The following REL variants were observed in gnomAD, a reference collection of about 807,000 sequenced individuals.
REL encodes the protein REL proto-oncogene, NF-kB subunit, also known as proto-oncogene c-Rel.
Under a neutral mutation model 45.9 loss-of-function variants are expected in REL, and 15 were observed. That is an observed-to-expected ratio of 0.33 (90% CI 0.22 to 0.50). REL has a LOEUF of 0.50. Among genes scored for constraint, REL ranks in the 20% least tolerant of loss-of-function variants. The pLI, the probability that REL is intolerant of heterozygous loss-of-function variation, is 0.98. For synonymous variants in REL, 239 were observed against 242.1 expected, an observed-to-expected ratio of 0.99 and a Z score of 0.12; for missense variants, 601 against 715.2, an observed-to-expected ratio of 0.84 and a Z score of 1.82.
At chr2:60,892,119 T>C (rs942190536) in intron 2 of REL, among the ~76,000 whole-genome samples, 3 of 152,216 alleles carry the variant, frequency 2.0e-5, no homozygotes, top group Admixed American at 6.5e-5. Context: ...TTTTGGATCA[T>C]GTTCTTTTTC....
rs1309775315 is a variant in REL, at chr2:60,920,493, G to T, written c.923-81G>T. On this transcript the variant is annotated intron_variant, in intron 8 of 9. Transcript: ENST00000394479. Reference sequence around the variant, plus strand: ...TGGGATTACAGGTGGGAGCCACCACGCCCGGCCAGTTTTTCAGATTTTAAC... The same window carrying T: ...TGGGATTACAGGTGGGAGCCACCACTCCCGGCCAGTTTTTCAGATTTTAAC... The T allele has an allele frequency of 1.9e-5, 21 of 1,092,540 alleles. No individual in the cohort carries two copies. Among genetic ancestry groups the T allele is most frequent in the Admixed American group, 5.4e-5 (3 of 55,690 alleles). The allele number at this position is 1,092,540 out of a possible 1,614,324, so 67.7% of individuals were successfully genotyped here. A position where few individuals can be genotyped will look rare whatever the true frequency, so the allele number is the denominator to read the frequency against.
In REL at chr2:60,897,765, G is replaced by C. The variant is rs112950837; in HGVS notation, c.302+3220G>C. 6.6e-3 allele frequency among the ~76,000 whole-genome samples: 995 copies of C among 151,762 alleles called. 17 individuals are homozygous for C. The highest frequency in any genetic ancestry group is 0.023 in the African/African-American group (941 of 41,342). On this transcript the variant is annotated intron_variant, in intron 3 of 9. Coordinates refer to ENST00000394479, the MANE Select transcript of REL (RefSeq NM_001291746.2). ...TAAGTAGCGGGGCACAGTGGCCCAT[G>C]CCTGTAGTTACAGCTACTCAGGAGG...
intron 4 of REL, among the ~76,000 whole-genome samples, chr2:60,901,640 A>C (rs1573326242): frequency 6.6e-6 from 1 of 152,268 alleles, no homozygotes; most frequent in Admixed American, 6.5e-5. Context: ...TTATATAATA[A>C]AACTTCAAAA....
At chr2:60,910,146 T>C (rs1420422723) in intron 4 of REL, among the ~76,000 whole-genome samples, 2 of 151,842 alleles carry the variant, frequency 1.3e-5, no homozygotes, top group Non-Finnish European at 2.9e-5. Context: ...GATATTTCTT[T>C]CTAAAGGTAG....
chr2:60,911,814 G>T (rs1171981438), intron 4 of REL, among the ~76,000 whole-genome samples: 1 of 151,662 alleles, frequency 6.6e-6, no homozygotes, highest in Non-Finnish European at 1.5e-5. Context: ...TCCTGGCCAA[G>T]ATGATGAAAC....
chr2:60,885,519 G>T (rs1573309636), intron 1 of REL, among the ~76,000 whole-genome samples: 1 of 152,074 alleles, frequency 6.6e-6, no homozygotes, highest in Non-Finnish European at 1.5e-5. Flanking sequence ...TAAATCAGTT[G>T]AATACTCATC....
intron 2 of REL, among the ~76,000 whole-genome samples, chr2:60,893,628 A>G (rs1673277384): frequency 1.3e-5 from 2 of 152,152 alleles, no homozygotes; most frequent in African/African-American, 4.8e-5. Context: ...AAGAAATGTA[A>G]TACTTCTTGG....
intron 1 of REL, among the ~76,000 whole-genome samples, chr2:60,887,065 C>A (rs1248687113): frequency 6.6e-6 from 1 of 152,130 alleles, no homozygotes; most frequent in East Asian, 1.9e-4. Flanking sequence ...ATTTTCCCTA[C>A]AATTTCCTGA....
At chr2:60,892,626 C>T (rs989868494) in intron 2 of REL, among the ~76,000 whole-genome samples, 2 of 151,692 alleles carry the variant, frequency 1.3e-5, no homozygotes, top group African/African-American at 4.8e-5. Flanking sequence ...GACGGGGTTT[C>T]ACCATGTTGG....
At chr2:60,915,167 T>C (rs2103975009) in intron 4 of REL, among the ~76,000 whole-genome samples, 1 of 152,282 alleles carries the variant, frequency 6.6e-6, no homozygotes, top group East Asian at 1.9e-4. Flanking sequence ...TATTCCATTG[T>C]AGGTCTATAC....
chr2:60,922,849 G>T lies in REL; in HGVS notation c.*314G>T, dbSNP rs1317395398. On this transcript the variant is annotated 3_prime_UTR_variant, in exon 10 of 10. Coordinates refer to ENST00000394479, the MANE Select transcript of REL (RefSeq NM_001291746.2). ...ACTTGAGACCAGGAATTCGAGACCA[G>T]CCTGGCCAACATGGTGAAACCCCGT... 6 of 437,306 alleles carry T rather than the reference G, an allele frequency of 1.4e-5. No individual in the cohort carries two copies. The highest frequency in any genetic ancestry group is 1.9e-5 in the Non-Finnish European group (6 of 321,276). The allele number at this position is 437,306 out of a possible 1,614,324, so 27.1% of individuals were successfully genotyped here.
chr2:60,921,892 C>G lies in REL; in HGVS notation c.1121C>G (p.Pro374Arg). The G allele has an allele frequency of 6.2e-7, 1 of 1,614,130 alleles. No individual in the cohort carries two copies. Among genetic ancestry groups the G allele is most frequent in the Non-Finnish European group, 8.5e-7 (1 of 1,180,018 alleles). The change falls in exon 10 of 10, where the codon CCT becomes CGT. Residue 374 changes from proline to arginine, a missense_variant. By Grantham distance (103) the Pro-to-Arg change is moderately radical (BLOSUM62 -2). Around this residue, in one of 4 missense-constraint regions of REL, gnomAD observed 334 missense variants for 333.1 expected, o/e 1.00. Coordinates refer to ENST00000394479, the MANE Select transcript of REL (RefSeq NM_001291746.2). ...TTGTCACATCATGCCTCAATGGCAC[C>G]TCTGCCTTCTTCAAGCTGGTCATCA... Reference protein sequence around the residue: ...SGLSHHASMAPLPSSSWSSVA... With the variant: ...SGLSHHASMARLPSSSWSSVA...
chr2:60,922,804 G>T lies in REL; in HGVS notation c.*269G>T, dbSNP rs1218276446. ...CACACCTGTAATCCTAGCACTTTGG[G>T]AGGCCAAGGCGGGTGGATCACTTGA... is the stretch of plus-strand genomic sequence containing the variant. On this transcript the variant is annotated 3_prime_UTR_variant, in exon 10 of 10. Transcript: ENST00000394479. 66 of 969,452 alleles carry T rather than the reference G, an allele frequency of 6.8e-5. No homozygotes were observed. Among genetic ancestry groups the T allele is most frequent in the Non-Finnish European group, 8.0e-5 (64 of 796,924 alleles). The allele number at this position is 969,452 out of a possible 1,614,324, so 60.1% of individuals were successfully genotyped here.
Position 60,922,501 on chromosome 2 carries a change from G to A in REL, c.1730G>A (p.Ser577Asn). The change falls in exon 10 of 10, where the codon AGT (serine) becomes AAT (asparagine). Residue 577 changes from serine to asparagine, a missense_variant. By Grantham distance (46) the Ser-to-Asn change is conservative (BLOSUM62 1). Coordinates refer to ENST00000394479, the MANE Select transcript of REL (RefSeq NM_001291746.2). ...GGCAGTATGCAAAATGAGCAATTGA[G>A]TGACTCCTTTCCATATGAATTTTTT... is the stretch of plus-strand genomic sequence containing the variant. ...GIGSMQNEQL[S>N]DSFPYEFFQV The A allele has an allele frequency of 2.5e-6, 4 of 1,608,632 alleles. No homozygotes were observed. The highest frequency in any genetic ancestry group is 8.5e-7 in the Non-Finnish European group (1 of 1,177,682).
At chr2:60,916,840 G>C in intron 4 of REL, 37 bp from the exon 5 acceptor site, 1 of 1,528,922 alleles carries the variant, frequency 6.5e-7, no homozygotes, top group Non-Finnish European at 9.0e-7. Flanking sequence ...AGGTCTATGT[G>C]ACTATTACAT....
At chr2:60,895,634 A>G (rs988310801) in intron 3 of REL, among the ~76,000 whole-genome samples, 2 of 152,234 alleles carry the variant, frequency 1.3e-5, no homozygotes, top group Non-Finnish European at 2.9e-5. Context: ...TAGTGAGGCT[A>G]CCAGAAGATG....
chr2:60,907,253 T>G (rs1418770649), intron 4 of REL, among the ~76,000 whole-genome samples: 2 of 152,030 alleles, frequency 1.3e-5, no homozygotes, highest in Non-Finnish European at 2.9e-5. Flanking sequence ...TGGTTTGCTA[T>G]AACTTTGATT....
intron 4 of REL, among the ~76,000 whole-genome samples, chr2:60,913,732 C>A (rs1407941906): frequency 6.6e-6 from 1 of 152,158 alleles, no homozygotes; most frequent in Non-Finnish European, 1.5e-5. Context: ...TCTCTCATAT[C>A]TTGGTCGCAT....
At chr2:60,900,263 T>C (rs1320177832) in intron 3 of REL, 1 of 152,260 alleles carries the variant, frequency 6.6e-6, no homozygotes, top group Non-Finnish European at 1.5e-5. Flanking sequence ...GCAACACTTT[T>C]GTGAGCCTAG....
Sources: allele counts gnomAD v4.1 joint callset (sites outside exome capture counted in the v4.1 genomes callset), GRCh38; gene constraint gnomAD v4.1.1; regional missense constraint gnomAD v4.1.1; transcripts MANE v1.5; gene names NCBI Gene and HGNC (gene_info 2026-07-23, HGNC 2026-07-21).